CMSS1: variants seen among roughly 807,000 people sequenced by gnomAD.
The protein encoded by CMSS1 is cms1 ribosomal small subunit homolog, also known as protein CMSS1.
In CMSS1, 33 loss-of-function variants were observed where a neutral mutation model predicts 43.5. That is an observed-to-expected ratio of 0.76 (90% CI 0.57 to 1.01). The LOEUF (loss-of-function observed/expected upper bound fraction) is 1.01, where lower values mean the gene tolerates loss of function less well. Among genes scored for constraint, CMSS1 ranks in the 50% least tolerant of loss-of-function variants. The pLI is 0.00. For synonymous variants in CMSS1, 115 were observed against 117.2 expected (o/e 0.98, Z 0.12); for missense variants, 313 against 326.4 (o/e 0.96, Z 0.32).
At chr3:100,160,613 C>T (rs2067015353) in intron 3 of CMSS1, 112 bp downstream of exon 3, 2 of 602,340 alleles carry the variant, frequency 3.3e-6, no homozygotes, top group African/African-American at 3.7e-5. Flanking sequence ...GAGATGCAGA[C>T]ATTGTAAGAT....
intron 1 of CMSS1, among the ~76,000 whole-genome samples, chr3:99,900,393 C>A (rs1576558352): frequency 1.3e-5 from 2 of 152,232 alleles, no homozygotes; most frequent in African/African-American, 2.4e-5. Context: ...TTCATTTAAT[C>A]TTTACAGCAG....
chr3:100,132,634 A>G (rs995430459), intron 1 of CMSS1, among the ~76,000 whole-genome samples: 3 of 151,932 alleles, frequency 2.0e-5, no homozygotes, highest in Non-Finnish European at 4.4e-5. Context: ...CCTGGCTAAC[A>G]TGGTGAAACC....
intron 1 of CMSS1, among the ~76,000 whole-genome samples, chr3:100,031,930 A>G (rs1319079244): frequency 2.0e-5 from 3 of 152,144 alleles, no homozygotes; most frequent in Non-Finnish European, 4.4e-5. Context: ...CTGTGTTTCC[A>G]TAAAACTATA....
intron 1 of CMSS1, among the ~76,000 whole-genome samples, chr3:99,843,998 C>A (rs1442774669): frequency 1.3e-5 from 2 of 151,904 alleles, no homozygotes; most frequent in African/African-American, 4.8e-5. Context: ...CCCCCAACCC[C>A]CCGCCCATGG....
chr3:100,157,145 TTTTTC>T (rs2066983009), intron 2 of CMSS1, among the ~76,000 whole-genome samples: 1 of 152,182 alleles, frequency 6.6e-6, no homozygotes, highest in African/African-American at 2.4e-5. Flanking sequence ...TCTCACCACT[TTTTTC>T]TTTTCATTTT....
intron 1 of CMSS1, among the ~76,000 whole-genome samples, chr3:99,828,614 CTTTT>C (rs34266466): frequency 3.0e-5 from 4 of 133,030 alleles, no homozygotes; most frequent in Admixed American, 7.6e-5. Flanking sequence ...CCACACCTGG[CTTTT>C]TTTTTTTTTT....
chr3:99,869,205 T>A (rs1471584669), intron 1 of CMSS1, among the ~76,000 whole-genome samples: 1 of 152,148 alleles, frequency 6.6e-6, no homozygotes, highest in African/African-American at 2.4e-5. Flanking sequence ...GGAGACAAAT[T>A]TAATTAAAGT....
intron 1 of CMSS1, among the ~76,000 whole-genome samples, chr3:99,829,417 T>G (rs1942602615): frequency 6.6e-6 from 1 of 152,232 alleles, no homozygotes; most frequent in Non-Finnish European, 1.5e-5. Flanking sequence ...GCCAGGGGAC[T>G]GTGTCTACCC....
In CMSS1 at chr3:100,106,804, C is replaced by T. The variant is rs146373765; in HGVS notation, c.65-40169C>T. 2.8e-3 allele frequency among the ~76,000 whole-genome samples: 420 copies of T among 152,206 alleles called. 2 individuals are homozygous for T. The highest frequency in any genetic ancestry group is 9.5e-3 in the African/African-American group (395 of 41,524). On this transcript the variant is annotated intron_variant, in intron 1 of 9. Transcript: ENST00000421999. Reference sequence around the variant, plus strand: ...CTACTCCTAACCTAATGCCCTGATCCCTGTAGTATGTTTTCATATGTCTGG... The same window carrying T: ...CTACTCCTAACCTAATGCCCTGATCTCTGTAGTATGTTTTCATATGTCTGG...
intron 1 of CMSS1, among the ~76,000 whole-genome samples, chr3:100,139,218 T>A (rs1328063763): frequency 1.3e-5 from 2 of 151,896 alleles, no homozygotes; most frequent in South Asian, 2.1e-4. Flanking sequence ...GGAGGGAACT[T>A]AGAGGATGGG....
intron 1 of CMSS1, among the ~76,000 whole-genome samples, chr3:99,954,478 T>A: frequency 6.6e-6 from 1 of 152,162 alleles, no homozygotes; most frequent in Non-Finnish European, 1.5e-5. Context: ...GAAAAAGAAC[T>A]CAACCTCTGT....
rs77984547 is a variant in CMSS1 at position 100,177,587 on chromosome 3, G to A, written c.757-718G>A. Among the ~76,000 whole-genome samples the A allele has an allele frequency of 4.1e-4, 62 of 152,292 alleles. No individual in the cohort carries two copies. The East Asian group carries it at 0.01, about 25-fold the overall frequency. On this transcript the variant is annotated intron_variant, in intron 9 of 9. Coordinates refer to ENST00000421999, the MANE Select transcript of CMSS1 (RefSeq NM_032359.4). ...ACAGAAAGCACACTGTGGAGTCCTT[G>A]AAACACCTTTGTATAGCATTTTATT...
intron 1 of CMSS1, among the ~76,000 whole-genome samples, chr3:99,844,683 T>A (rs1365002676): frequency 6.6e-6 from 1 of 152,200 alleles, no homozygotes; most frequent in Non-Finnish European, 1.5e-5. Context: ...TCCCCTAATT[T>A]TATCCTTTAT....
chr3:99,999,287 A>G (rs1709774616), intron 1 of CMSS1, among the ~76,000 whole-genome samples: 2 of 152,212 alleles, frequency 1.3e-5, no homozygotes, highest in Admixed American at 1.3e-4. Context: ...CTCATAGCAC[A>G]TATCACATTC....
At chr3:99,826,520 A>T (rs1209639138) in intron 1 of CMSS1, among the ~76,000 whole-genome samples, 1 of 152,178 alleles carries the variant, frequency 6.6e-6, no homozygotes, top group Non-Finnish European at 1.5e-5. Context: ...CACGTCACAA[A>T]ATAGTCTTAT....
chr3:100,136,924 G>A (rs1470603555), intron 1 of CMSS1, among the ~76,000 whole-genome samples: 1 of 152,246 alleles, frequency 6.6e-6, no homozygotes, highest in African/African-American at 2.4e-5. Flanking sequence ...GAGTATAGGT[G>A]GATTCAGAAT....
At chr3:100,088,082 C>T (rs939655046) in intron 1 of CMSS1, among the ~76,000 whole-genome samples, 4 of 152,032 alleles carry the variant, frequency 2.6e-5, no homozygotes, top group African/African-American at 7.2e-5. Context: ...CTGCCTGCCT[C>T]GGCCTCCCAA....
intron 1 of CMSS1, among the ~76,000 whole-genome samples, chr3:100,075,266 C>G (rs1576024732): frequency 6.6e-6 from 1 of 152,180 alleles, no homozygotes; most frequent in East Asian, 1.9e-4. Context: ...TAATGGACTT[C>G]TAATGACACA....
At chr3:100,034,654 T>G (rs1265756094) in intron 1 of CMSS1, among the ~76,000 whole-genome samples, 1 of 152,166 alleles carries the variant, frequency 6.6e-6, no homozygotes, top group Admixed American at 6.5e-5. Context: ...TGTCTAGTAT[T>G]TAGGTAAGAC....
Sources: allele counts gnomAD v4.1 joint callset (sites outside exome capture counted in the v4.1 genomes callset), GRCh38; gene constraint gnomAD v4.1.1; transcripts MANE v1.5; gene names NCBI Gene and HGNC (gene_info 2026-07-23, HGNC 2026-07-21).